The following LAMA4 variants were observed in gnomAD, a reference collection of about 807,000 sequenced individuals.
LAMA4 encodes the protein laminin subunit alpha-4.
LAMA4 carries 127 observed loss-of-function variants against 207.1 expected under a neutral mutation model. The ratio of observed to expected loss-of-function variants is 0.61; its 90% CI spans 0.53 to 0.71. LAMA4 has a LOEUF of 0.71. Ranked by LOEUF, LAMA4 falls within the 30% of genes least tolerant of loss-of-function variation. The pLI is 0.00. For missense variants in LAMA4, 2,093 were observed against 2,246.5 expected (o/e 0.93, Z 1.38); for synonymous variants, 761 against 816.0 (o/e 0.93, Z 1.15).
chr6:112,186,620 A>G, intron 8 of LAMA4: 1 of 358,390 alleles, frequency 2.8e-6, no homozygotes, highest in Non-Finnish European at 5.4e-6. Flanking sequence ...ATTTGCAGAT[A>G]ATGTATGCAC....
chr6:112,138,209 G>T (rs1488217338), intron 24 of LAMA4, among the ~76,000 whole-genome samples: 2 of 152,064 alleles, frequency 1.3e-5, no homozygotes, highest in Admixed American at 6.5e-5. Flanking sequence ...TAGCTTACAA[G>T]AACTAATATT....
chr6:112,204,461 C>T (rs1554353486), intron 4 of LAMA4, among the ~76,000 whole-genome samples: 2 of 147,484 alleles, frequency 1.4e-5, no homozygotes, highest in Non-Finnish European at 3.0e-5. Flanking sequence ...CTGCCTAATT[C>T]ATCTGCTACT....
At chr6:112,162,762 G>T (rs1052134603) in intron 13 of LAMA4, among the ~76,000 whole-genome samples, 4 of 152,098 alleles carry the variant, frequency 2.6e-5, no homozygotes, top group Non-Finnish European at 5.9e-5. Context: ...TCGGATATAG[G>T]AGTTTGGAAC....
intron 2 of LAMA4, among the ~76,000 whole-genome samples, chr6:112,222,135 T>G (rs1784959082): frequency 6.6e-6 from 1 of 152,206 alleles, no homozygotes. Flanking sequence ...GAAGTTGGCT[T>G]CTTGATTGAT....
In LAMA4 at chr6:112,182,384, A is replaced by G. The variant is rs577325454; in HGVS notation, c.1077+2853T>C. On this transcript the variant is annotated intron_variant, in intron 9 of 38. Coordinates refer to ENST00000230538, the MANE Select transcript of LAMA4 (RefSeq NM_001105206.3). ...ACTTCGTTCATATGGATTCAAAGTA[A>G]TACTCAGCATATGGTAAATTTGTAT... is the stretch of plus-strand genomic sequence containing the variant. Among the ~76,000 whole-genome samples the G allele has an allele frequency of 9.8e-5, 15 of 152,320 alleles. No homozygotes were observed. The East Asian group carries it at 2.5e-3, about 25-fold the overall frequency.
rs1787695296 is a variant in LAMA4, at chr6:112,254,197, G to GGGTCTCCGTA, written c.-57_-48dup. 1 of 1,610,312 alleles carries GGGTCTCCGTA rather than the reference G, an allele frequency of 6.2e-7. No individual in the cohort carries two copies. ...TGCTCTTCCAGGGCTCGGGCGCTGTGGGTCTCCGTAGGTCTCCCGCGTGGT... is the reference window on the plus strand; with the variant it reads ...TGCTCTTCCAGGGCTCGGGCGCTGTGGGTCTCCGTAGGTCTCCGTAGGTCTCCCGCGTGGT... On this transcript the variant is annotated 5_prime_UTR_variant, in exon 2 of 39. Coordinates refer to ENST00000230538, the MANE Select transcript of LAMA4 (RefSeq NM_001105206.3).
chr6:112,219,863 G>C (rs1554359954), intron 2 of LAMA4, among the ~76,000 whole-genome samples: 1 of 152,088 alleles, frequency 6.6e-6, no homozygotes, highest in Non-Finnish European at 1.5e-5. Context: ...TATTACTGAA[G>C]CCGGCTAATA....
chr6:112,141,630 T>C lies in LAMA4; in HGVS notation c.2668-127A>G, dbSNP rs1313665199. On this transcript the variant is annotated intron_variant, in intron 20 of 38. Transcript: ENST00000230538. ...AAGTGACTTCTGGCCTGAATTATTA[T>C]CCGAAGCTCCTGTGAGCAGGCAGTG... The C allele has an allele frequency of 2.0e-5, 15 of 752,678 alleles. No homozygotes were observed. The East Asian group carries it at 3.5e-4, about 17-fold the overall frequency. The allele number at this position is 752,678 out of a possible 1,614,324, so 46.6% of individuals were successfully genotyped here.
chr6:112,135,510 A>G (rs2114671662), intron 25 of LAMA4, among the ~76,000 whole-genome samples: 1 of 152,312 alleles, frequency 6.6e-6, no homozygotes, highest in East Asian at 1.9e-4. Context: ...TACCCTTCGC[A>G]TTTTGGTTCA....
chr6:112,178,529 G>T, intron 9 of LAMA4: 2 of 390,634 alleles, frequency 5.1e-6, no homozygotes, highest in Non-Finnish European at 9.7e-6. Flanking sequence ...CCCATCACCC[G>T]AGCAGTATAC....
intron 17 of LAMA4, among the ~76,000 whole-genome samples, chr6:112,150,106 G>T (rs1260708564): frequency 3.3e-5 from 5 of 151,932 alleles, no homozygotes; most frequent in African/African-American, 7.3e-5. Context: ...CTGGGCCAAA[G>T]AAATCCAATA....
At chr6:112,212,226 AT>A (rs11343230) in intron 3 of LAMA4, among the ~76,000 whole-genome samples, 24,122 of 143,388 alleles carry the variant, frequency 0.17, 3,455 homozygotes, top group African/African-American at 0.39. Flanking sequence ...AGTTTCTGTC[AT>A]TTTTTTTTTT....
At chr6:112,210,674 T>C (rs1327392664) in intron 3 of LAMA4, among the ~76,000 whole-genome samples, 2 of 152,190 alleles carry the variant, frequency 1.3e-5, no homozygotes, top group African/African-American at 4.8e-5. Context: ...AGATGTTTCT[T>C]ATATTTTGCA....
At position 112,134,587 on chromosome 6, in the gene LAMA4, T is replaced by C. The variant is rs781842093; in HGVS notation, c.3437A>G (p.Asp1146Gly). 20 of 1,609,742 alleles carry C rather than the reference T, an allele frequency of 1.2e-5. No individual in the cohort carries two copies. The South Asian group carries it at 2.1e-4, about 17-fold the overall frequency. The change falls in exon 26 of 39, where the codon GAT becomes GGT. Residue 1146 changes from aspartate to glycine, a missense_variant. Asp to Gly is a moderately conservative substitution (Grantham distance 94). This residue lies in a region of LAMA4 where 1,704 missense variants were observed against 1,788.4 expected (regional missense o/e 0.95). Coordinates refer to ENST00000230538, the MANE Select transcript of LAMA4 (RefSeq NM_001105206.3). ...GTCAACTACCAAGATCATTTTCTTA[T>C]CATTGTGGTAAATGATTGAGATCTG... ...YHEISIIYHN[D>G]KKMILVVDRR...
chr6:112,142,008 C>A, intron 20 of LAMA4, 111 bp downstream of exon 20: 1 of 1,021,980 alleles, frequency 9.8e-7, no homozygotes, highest in Non-Finnish European at 1.5e-6. Flanking sequence ...TTCTGAGTTA[C>A]CAGAATGGGC....
intron 38 of LAMA4, among the ~76,000 whole-genome samples, chr6:112,110,059 A>G (rs1478555803): frequency 6.6e-6 from 1 of 152,356 alleles, no homozygotes; most frequent in Admixed American, 6.5e-5. Flanking sequence ...TTCATAAAAT[A>G]TAATGAGAAA....
intron 4 of LAMA4, among the ~76,000 whole-genome samples, chr6:112,203,305 T>C (rs2237244): frequency 0.74 from 112,492 of 152,114 alleles, 42,665 homozygotes; most frequent in African/African-American, 0.91. Context: ...GTTTGCTTAA[T>C]CCCCTGAAGC....
At chr6:112,213,762 A>T in intron 3 of LAMA4, 1 of 348,378 alleles carries the variant, frequency 2.9e-6, no homozygotes, top group Non-Finnish European at 5.1e-6. Context: ...GACATTGGAC[A>T]CTGGAATTGA....
intron 3 of LAMA4, among the ~76,000 whole-genome samples, chr6:112,207,811 C>G (rs1169872103): frequency 6.6e-6 from 1 of 152,112 alleles, no homozygotes; most frequent in East Asian, 1.9e-4. Flanking sequence ...ATTCATCATT[C>G]AAGATCACAC....
Sources: allele counts gnomAD v4.1 joint callset (sites outside exome capture counted in the v4.1 genomes callset), GRCh38; gene constraint gnomAD v4.1.1; regional missense constraint gnomAD v4.1.1; transcripts MANE v1.5; gene names NCBI Gene and HGNC (gene_info 2026-07-23, HGNC 2026-07-21).